MECOM: variants seen among roughly 807,000 people sequenced by gnomAD.
The protein encoded by MECOM is histone-lysine N-methyltransferase MECOM.
Under a neutral mutation model 116.3 loss-of-function variants are expected in MECOM, and 13 were observed. That is an observed-to-expected ratio of 0.11 (90% CI 0.07 to 0.18). The LOEUF (loss-of-function observed/expected upper bound fraction) is 0.18, where lower values mean the gene tolerates loss of function less well. Among genes scored for constraint, MECOM ranks in the 10% least tolerant of loss-of-function variants. MECOM has a pLI of 1.00. For missense variants in MECOM, 1,299 were observed against 1,509.0 expected (o/e 0.86, Z 2.31); for synonymous variants, 528 against 535.2 (o/e 0.99, Z 0.19).
chr3:169,608,507 C>T (rs1768861578), intron 1 of MECOM, among the ~76,000 whole-genome samples: 2 of 152,156 alleles, frequency 1.3e-5, no homozygotes, highest in South Asian at 2.1e-4. Context: ...CCCACATCCC[C>T]TCCTAAAGCG....
chr3:169,462,302 A>C (rs1199008625), intron 1 of MECOM, among the ~76,000 whole-genome samples: 4 of 152,182 alleles, frequency 2.6e-5, no homozygotes, highest in African/African-American at 9.6e-5. Context: ...CAAAAGACTA[A>C]GCTGTTGATG....
intron 3 of MECOM, among the ~76,000 whole-genome samples, chr3:169,138,857 A>G (rs1230947768): frequency 1.3e-5 from 2 of 152,172 alleles, no homozygotes; most frequent in African/African-American, 4.8e-5. Flanking sequence ...ATTTTTTTTC[A>G]TAGTAAAATC....
At chr3:169,633,896 C>A (rs1772391999) in intron 1 of MECOM, among the ~76,000 whole-genome samples, 3 of 73,816 alleles carry the variant, frequency 4.1e-5, no homozygotes, top group African/African-American at 1.2e-4. Flanking sequence ...ACAGTAGTGA[C>A]CCTGGCAAAA....
chr3:169,458,618 A>T (rs886193000), intron 1 of MECOM, among the ~76,000 whole-genome samples: 1 of 152,230 alleles, frequency 6.6e-6, no homozygotes, highest in Non-Finnish European at 1.5e-5. Flanking sequence ...AGCAGCAATC[A>T]TGTCTTGCCT....
At chr3:169,176,378 A>G (rs1237478938) in intron 2 of MECOM, among the ~76,000 whole-genome samples, 1 of 152,170 alleles carries the variant, frequency 6.6e-6, no homozygotes, top group Non-Finnish European at 1.5e-5. Context: ...AGGATCTCCT[A>G]TTCAATAAAT....
intron 2 of MECOM, among the ~76,000 whole-genome samples, chr3:169,291,459 A>G (rs1015034035): frequency 9.2e-5 from 14 of 152,160 alleles, no homozygotes; most frequent in Non-Finnish European, 1.6e-4. Flanking sequence ...GAAATTCTCA[A>G]ATTTCTCCTT....
intron 1 of MECOM, among the ~76,000 whole-genome samples, chr3:169,386,181 T>C (rs1051203716): frequency 1.1e-4 from 17 of 152,200 alleles, no homozygotes; most frequent in Admixed American, 3.9e-4. Flanking sequence ...ACTTCAGAAG[T>C]ATTCCATTTT....
chr3:169,545,355 A>T (rs1760602230), intron 1 of MECOM, among the ~76,000 whole-genome samples: 1 of 152,148 alleles, frequency 6.6e-6, no homozygotes, highest in African/African-American at 2.4e-5. Context: ...GTCTCTCCTC[A>T]ATTTAAACAC....
At chr3:169,537,868 T>C (rs961098948) in intron 1 of MECOM, among the ~76,000 whole-genome samples, 6 of 152,148 alleles carry the variant, frequency 3.9e-5, no homozygotes, top group African/African-American at 7.2e-5. Context: ...TTTAACAACA[T>C]GGTTGTTCAC....
chr3:169,648,050 G>T (rs1038920596), intron 1 of MECOM, among the ~76,000 whole-genome samples: 2 of 152,136 alleles, frequency 1.3e-5, no homozygotes, highest in Non-Finnish European at 2.9e-5. Context: ...ACACCACAGA[G>T]AGCATTTTCC....
At chr3:169,604,313 C>A (rs569117007) in intron 1 of MECOM, among the ~76,000 whole-genome samples, 3 of 151,962 alleles carry the variant, frequency 2.0e-5, no homozygotes, top group Admixed American at 6.5e-5. Flanking sequence ...TACACATACT[C>A]ACTAGCTCCC....
chr3:169,340,755 T>C (rs1724359759), intron 2 of MECOM, among the ~76,000 whole-genome samples: 1 of 152,212 alleles, frequency 6.6e-6, no homozygotes, highest in Non-Finnish European at 1.5e-5. Flanking sequence ...TTTATGATAA[T>C]GAAAGTGTGT....
chr3:169,259,738 A>AT (rs1757313896), intron 2 of MECOM, among the ~76,000 whole-genome samples: 1 of 152,128 alleles, frequency 6.6e-6, no homozygotes, highest in African/African-American at 2.4e-5. Flanking sequence ...AAAAAAACAT[A>AT]TTTTCTGCTT....
Position 169,089,163 on chromosome 3 carries a change from T to C in MECOM, c.3422A>G (p.Lys1141Arg), listed in dbSNP as rs1560108725. ...ATGATCTAGAGCAGAAAGTCCACTTTTATATTCTTCCTCTTTATACCTAAA... is the reference window on the plus strand; with the variant it reads ...ATGATCTAGAGCAGAAAGTCCACTTCTATATTCTTCCTCTTTATACCTAAA... Reference protein sequence around the residue: ...SPVRYKEEEYKSGLSALDHIR... With the variant: ...SPVRYKEEEYRSGLSALDHIR... The change falls in exon 16 of 17, where the codon AAA (lysine) becomes AGA (arginine). Residue 1141 changes from lysine (K) to arginine (R), a missense_variant. Transcript: ENST00000651503. 6.5e-7 allele frequency: 1 copy of C among 1,547,512 alleles called. No homozygotes were observed. The highest frequency in any genetic ancestry group is 1.4e-5 in the African/African-American group (1 of 71,288).
At chr3:169,324,324 G>T (rs1316036660) in intron 2 of MECOM, among the ~76,000 whole-genome samples, 1 of 152,218 alleles carries the variant, frequency 6.6e-6, no homozygotes, top group African/African-American at 2.4e-5. Flanking sequence ...CCTAGAAGTT[G>T]TCAGAAGTAT....
At chr3:169,604,223 C>CTT (rs771681754) in intron 1 of MECOM, among the ~76,000 whole-genome samples, 12 of 147,996 alleles carry the variant, frequency 8.1e-5, no homozygotes, top group African/African-American at 2.8e-4. Context: ...AGAGAGAAAT[C>CTT]TCTCTCTCTC....
At chr3:169,578,954 G>T (rs1764812459) in intron 1 of MECOM, among the ~76,000 whole-genome samples, 1 of 152,320 alleles carries the variant, frequency 6.6e-6, no homozygotes, top group African/African-American at 2.4e-5. Context: ...TGAAGGGGAA[G>T]TGTTGAAAGC....
intron 1 of MECOM, among the ~76,000 whole-genome samples, chr3:169,662,398 GC>G (rs1776403973): frequency 1.3e-5 from 2 of 152,176 alleles, no homozygotes; most frequent in African/African-American, 4.8e-5. Flanking sequence ...GGGTCGCAGC[GC>G]GCCCTCTCTG....
chr3:169,265,873 C>T (rs9882159), intron 2 of MECOM, among the ~76,000 whole-genome samples: 9,099 of 152,152 alleles, frequency 0.06, 364 homozygotes, highest in African/African-American at 0.11. Context: ...CAAGGAGGTA[C>T]GAGGCAGCAG....
Sources: allele counts gnomAD v4.1 joint callset (sites outside exome capture counted in the v4.1 genomes callset), GRCh38; gene constraint gnomAD v4.1.1; transcripts MANE v1.5; gene names NCBI Gene and HGNC (gene_info 2026-07-23, HGNC 2026-07-21).